Variants in RFTN1 observed in about 807,000 individuals in gnomAD.
RFTN1 encodes raftlin.
Under a neutral mutation model 46.5 loss-of-function variants are expected in RFTN1, and 26 were observed. The observed-to-expected ratio is 0.56, with a 90% CI of 0.41 to 0.78. RFTN1 has a LOEUF of 0.78. RFTN1 is among the 30% of genes least tolerant of loss of function. The pLI, the probability that RFTN1 is intolerant of heterozygous loss-of-function variation, is 0.00. For synonymous variants in RFTN1, 261 were observed against 284.2 expected, an observed-to-expected ratio of 0.92 and a Z score of 0.82; for missense variants, 693 against 718.7, an observed-to-expected ratio of 0.96 and a Z score of 0.41.
chr3:16,343,183 A>C (rs1229531087), intron 7 of RFTN1, among the ~76,000 whole-genome samples: 1 of 152,164 alleles, frequency 6.6e-6, no homozygotes, highest in African/African-American at 2.4e-5. Flanking sequence ...TCTGAGGACT[A>C]GCAAGGTTTG....
Position 16,317,593 on chromosome 3 carries a change from A to G in RFTN1, c.1333-361T>C, listed in dbSNP as rs1394138176. Among the ~76,000 whole-genome samples, 3 of 152,178 alleles carry G rather than the reference A, an allele frequency of 2.0e-5. No homozygotes were observed. The highest frequency in any genetic ancestry group is 7.2e-5 in the African/African-American group (3 of 41,436). Reference sequence around the variant, plus strand: ...AGGAGATGTGAGGCCTGCCCCCAGTAAGAGCCAGAGCTGCAGCTACTCATT... The same window carrying G: ...AGGAGATGTGAGGCCTGCCCCCAGTGAGAGCCAGAGCTGCAGCTACTCATT... On this transcript the variant is annotated intron_variant, in intron 9 of 9. Transcript: ENST00000334133. This position sits in a 1 kb window ranked among gnomAD's most constrained non-coding sequence, Gnocchi z 4.3.
In RFTN1 at chr3:16,335,776, T is replaced by TAAAAA. The variant is rs540104859; in HGVS notation, c.1147-8905_1147-8901dup. On this transcript the variant is annotated intron_variant, in intron 7 of 9. Transcript: ENST00000334133. The surrounding 1 kb of genome is among the most constrained non-coding windows in gnomAD (Gnocchi z 4.7). ...ATCCTGCACTTGCACCCTGGAACTT[T>TAAAAA]AAAAAAAAAAAAAAAAAAAGGAGTT... is the stretch of plus-strand genomic sequence containing the variant. Among the ~76,000 whole-genome samples the TAAAAA allele has an allele frequency of 1.5e-5, 2 of 136,646 alleles. No homozygotes were observed. Among genetic ancestry groups the TAAAAA allele is most frequent in the Non-Finnish European group, 3.2e-5 (2 of 62,552 alleles). 89.6% of individuals were successfully genotyped at this position (136,646 alleles called of 152,430 possible).
At position 16,480,428 on chromosome 3, in the gene RFTN1, A is replaced by G. The variant is rs567879758; in HGVS notation, c.145+13297T>C. Reference sequence around the variant, plus strand: ...AAAGTATGTTTATGCAACAGAATAGAAAAACATCTCAGTGGCTGCTAAGTG... The same window carrying G: ...AAAGTATGTTTATGCAACAGAATAGGAAAACATCTCAGTGGCTGCTAAGTG... On this transcript the variant is annotated intron_variant, in intron 2 of 9. Coordinates refer to ENST00000334133, the MANE Select transcript of RFTN1 (RefSeq NM_015150.2). The surrounding 1 kb of genome is among the most constrained non-coding windows in gnomAD (Gnocchi z 4.3). Among the ~76,000 whole-genome samples, 1 of 152,352 alleles carries G rather than the reference A, an allele frequency of 6.6e-6. No individual in the cohort carries two copies. Among genetic ancestry groups the G allele is most frequent in the East Asian group, 1.9e-4 (1 of 5,188 alleles).
chr3:16,378,043 G>A lies in RFTN1; in HGVS notation c.501C>T (p.Ser167=). 7 of 1,614,274 alleles carry A rather than the reference G, an allele frequency of 4.3e-6. No individual in the cohort carries two copies. Among genetic ancestry groups the A allele is most frequent in the Non-Finnish European group, 5.9e-6 (7 of 1,180,054 alleles). ...CACTGCTGCCTGCCGAGTTCACAGA[G>A]GAATGGTACTGAGGTATAACACCAA... ...KFVGVIPQYH[S]SVNSAGSSAP... Residue 167 remains serine, a synonymous_variant, in exon 5 of 10, where the codon TCC becomes TCT. Transcript: ENST00000334133.
chr3:16,356,942 C>T lies in RFTN1; in HGVS notation c.1146+990G>A, dbSNP rs1157987718. Among the ~76,000 whole-genome samples the T allele has an allele frequency of 1.3e-5, 2 of 152,142 alleles. No homozygotes were observed. Among genetic ancestry groups the T allele is most frequent in the Non-Finnish European group, 2.9e-5 (2 of 68,024 alleles). On this transcript the variant is annotated intron_variant, in intron 7 of 9. Transcript: ENST00000334133. The surrounding 1 kb of genome is among the most constrained non-coding windows in gnomAD (Gnocchi z 4.9). Reference sequence around the variant, plus strand: ...CCAGCCTGGCCAACGTGGTGAAACCCTGTCTTTACTAAAAATACAAAAATT... The same window carrying T: ...CCAGCCTGGCCAACGTGGTGAAACCTTGTCTTTACTAAAAATACAAAAATT...
intron 2 of RFTN1, 49 bp downstream of exon 2, chr3:16,493,676 C>T: frequency 1.3e-6 from 2 of 1,525,620 alleles, no homozygotes; most frequent in Non-Finnish European, 1.8e-6. Flanking sequence ...CTGCAGGCCC[C>T]TGCTGGAGAC....
chr3:16,359,766 G>A (rs910527619), intron 6 of RFTN1, among the ~76,000 whole-genome samples: 6 of 152,000 alleles, frequency 3.9e-5, no homozygotes, highest in Non-Finnish European at 8.8e-5. Flanking sequence ...TCAATGATAC[G>A]CTCTTTTAAA....
intron 2 of RFTN1, among the ~76,000 whole-genome samples, chr3:16,436,247 G>T (rs1381874934): frequency 6.6e-6 from 1 of 150,594 alleles, no homozygotes; most frequent in African/African-American, 2.4e-5. Context: ...TTTTCTATTG[G>T]TTTGTAAGAA....
rs949887972 is a variant in RFTN1, at chr3:16,356,234, A to C, written c.1146+1698T>G. 2.0e-5 allele frequency among the ~76,000 whole-genome samples: 3 copies of C among 152,120 alleles called. No individual in the cohort carries two copies. Among genetic ancestry groups the C allele is most frequent in the Admixed American group, 6.5e-5 (1 of 15,276 alleles). On this transcript the variant is annotated intron_variant, in intron 7 of 9. Coordinates refer to ENST00000334133, the MANE Select transcript of RFTN1 (RefSeq NM_015150.2). This position sits in a 1 kb window ranked among gnomAD's most constrained non-coding sequence, Gnocchi z 4.9. Reference sequence around the variant, plus strand: ...TTGGACTGAGCTTTACTTCCTCTGCATCCCATTTCTAGTTAGGAGCATGGA... The same window carrying C: ...TTGGACTGAGCTTTACTTCCTCTGCCTCCCATTTCTAGTTAGGAGCATGGA...
chr3:16,396,402 G>A (rs538276451), intron 4 of RFTN1, among the ~76,000 whole-genome samples: 2 of 152,260 alleles, frequency 1.3e-5, no homozygotes, highest in South Asian at 2.1e-4. Flanking sequence ...CAGATTACCC[G>A]GGGCTGATCC....
chr3:16,359,070 C>T (rs1222540399), intron 6 of RFTN1, among the ~76,000 whole-genome samples: 1 of 150,046 alleles, frequency 6.7e-6, no homozygotes, highest in Non-Finnish European at 1.5e-5. Flanking sequence ...TGAACAGAGT[C>T]CTTGACCCTA....
rs2071308201 is a variant in RFTN1 at position 16,341,370 on chromosome 3, T to C, written c.1147-14494A>G. Reference sequence around the variant, plus strand: ...CCTACACATGGCTGTTTATAGCAGCTTTATTCATAATTGCTAAAACTTGGA... The same window carrying C: ...CCTACACATGGCTGTTTATAGCAGCCTTATTCATAATTGCTAAAACTTGGA... On this transcript the variant is annotated intron_variant, in intron 7 of 9. Transcript: ENST00000334133. The surrounding 1 kb of genome is among the most constrained non-coding windows in gnomAD (Gnocchi z 4.7). Among the ~76,000 whole-genome samples, 1 of 152,254 alleles carries C rather than the reference T, an allele frequency of 6.6e-6. No homozygotes were observed. The highest frequency in any genetic ancestry group is 2.1e-4 in the South Asian group (1 of 4,838).
chr3:16,476,801 G>T (rs2076288701), intron 2 of RFTN1, among the ~76,000 whole-genome samples: 1 of 152,206 alleles, frequency 6.6e-6, no homozygotes, highest in Non-Finnish European at 1.5e-5. Flanking sequence ...ATATAGCTTA[G>T]TGGTTGAGTT....
In RFTN1 at chr3:16,402,835, G is replaced by A. The variant is rs1280777881; in HGVS notation, c.441+6540C>T. ...GTACACTCATTGAGTGGGACCAGCC[G>A]CCCCTCAACGGTCTTCATTGCAAAG... On this transcript the variant is annotated intron_variant, in intron 4 of 9. Coordinates refer to ENST00000334133, the MANE Select transcript of RFTN1 (RefSeq NM_015150.2). The surrounding 1 kb of genome is among the most constrained non-coding windows in gnomAD (Gnocchi z 4.5). 6.6e-6 allele frequency among the ~76,000 whole-genome samples: 1 copy of A among 152,128 alleles called. No homozygotes were observed. Among genetic ancestry groups the A allele is most frequent in the Non-Finnish European group, 1.5e-5 (1 of 68,022 alleles).
intron 2 of RFTN1, among the ~76,000 whole-genome samples, chr3:16,485,838 G>A (rs73816496): frequency 0.061 from 9,311 of 152,272 alleles, 319 homozygotes; most frequent in African/African-American, 0.077. Flanking sequence ...GGCAGTTGGC[G>A]CTGAGCTCTC....
intron 4 of RFTN1, among the ~76,000 whole-genome samples, chr3:16,406,705 T>C (rs999100179): frequency 4.6e-5 from 7 of 152,076 alleles, no homozygotes; most frequent in African/African-American, 7.3e-5. Context: ...ACTGAGACTT[T>C]GAGCAAAATG....
At position 16,449,946 on chromosome 3, in the gene RFTN1, CAGG is replaced by C. The variant is rs753400486; in HGVS notation, c.146-15912_146-15910del. 1.3e-5 allele frequency among the ~76,000 whole-genome samples: 2 copies of C among 152,092 alleles called. No individual in the cohort carries two copies. Among genetic ancestry groups the C allele is most frequent in the Non-Finnish European group, 2.9e-5 (2 of 68,026 alleles). On this transcript the variant is annotated intron_variant, in intron 2 of 9. Transcript: ENST00000334133. This position sits in a 1 kb window ranked among gnomAD's most constrained non-coding sequence, Gnocchi z 5.1. ...ATCTCTAGAAGTGACCAGGAAGCAG[CAGG>C]AGGAGGGCTGCAGGAGGCCCCAGGG...
Position 16,465,484 on chromosome 3 carries a change from T to A in RFTN1, c.145+28241A>T, listed in dbSNP as rs1340021803. Among the ~76,000 whole-genome samples, 1 of 151,380 alleles carries A rather than the reference T, an allele frequency of 6.6e-6. No homozygotes were observed. Among genetic ancestry groups the A allele is most frequent in the Non-Finnish European group, 1.5e-5 (1 of 67,870 alleles). ...ATGCCTGATTAAACAAAATAATTTT[T>A]AAAAATCCAAAATCCAATACAGTTC... On this transcript the variant is annotated intron_variant, in intron 2 of 9. Transcript: ENST00000334133. This position sits in a 1 kb window ranked among gnomAD's most constrained non-coding sequence, Gnocchi z 5.1.
chr3:16,434,170 C>G (rs2125496300), intron 2 of RFTN1, 133 bp from the exon 3 acceptor site: 1 of 744,220 alleles, frequency 1.3e-6, no homozygotes, highest in African/African-American at 1.8e-5. Flanking sequence ...CCAGTTTTTA[C>G]TGTCTTCAAA....
Sources: allele counts gnomAD v4.1 joint callset (sites outside exome capture counted in the v4.1 genomes callset), GRCh38; gene constraint gnomAD v4.1.1; non-coding constraint Gnocchi (gnomAD v3.1); transcripts MANE v1.5; gene names NCBI Gene and HGNC (gene_info 2026-07-23, HGNC 2026-07-21).